Variants in ZNF827 observed in about 807,000 individuals in gnomAD.
ZNF827 encodes zinc finger protein 827.
A neutral mutation model predicts 102.4 loss-of-function variants in ZNF827; 13 were observed. The ratio of observed to expected loss-of-function variants is 0.13; its 90% confidence interval spans 0.08 to 0.20. The LOEUF (loss-of-function observed/expected upper bound fraction) is 0.20, where lower values mean the gene tolerates loss of function less well. Ranked by LOEUF, ZNF827 falls within the 10% of genes least tolerant of loss-of-function variation. ZNF827 has a pLI of 1.00. For missense variants in ZNF827, 1,103 were observed against 1,344.4 expected, an observed-to-expected ratio of 0.82 and a Z score of 2.81; for synonymous variants, 523 against 536.2, an observed-to-expected ratio of 0.98 and a Z score of 0.34.
chr4:145,763,163 T>G lies in ZNF827; in HGVS notation c.3231-41A>C, dbSNP rs1298540504. 6.5e-7 allele frequency: 1 copy of G among 1,533,466 alleles called. No homozygotes were observed. Among genetic ancestry groups the G allele is most frequent in the Non-Finnish European group, 8.7e-7 (1 of 1,144,810 alleles). The allele number at this position is 1,533,466 out of a possible 1,614,324, so 95.0% of individuals were successfully genotyped here. On this transcript the variant is annotated intron_variant, in intron 13 of 14. Coordinates refer to ENST00000508784, the MANE Select transcript of ZNF827 (RefSeq NM_001306215.2). The surrounding 1 kb of genome is among the most constrained non-coding windows in gnomAD (Gnocchi z 4.6). Reference sequence around the variant, plus strand: ...AATAATAGTATAATCTTATTTGATCTGCATTATGAACAGGATATAGAGTAC... The same window carrying G: ...AATAATAGTATAATCTTATTTGATCGGCATTATGAACAGGATATAGAGTAC...
At chr4:145,775,716 C>T in intron 10 of ZNF827, 73 bp downstream of exon 10, 1 of 1,566,852 alleles carries the variant, frequency 6.4e-7, no homozygotes, top group Non-Finnish European at 8.7e-7. Flanking sequence ...TGTATGCCCA[C>T]AGCAGACAGG....
intron 1 of ZNF827, among the ~76,000 whole-genome samples, chr4:145,931,456 TG>T (rs1753800995): frequency 6.6e-6 from 1 of 152,258 alleles, no homozygotes; most frequent in Non-Finnish European, 1.5e-5. Context: ...TAACTAGGCC[TG>T]GCCTGGATTT....
At chr4:145,870,068 C>G (rs1267575750) in intron 5 of ZNF827, among the ~76,000 whole-genome samples, 177 bp downstream of exon 5, 1 of 152,192 alleles carries the variant, frequency 6.6e-6, no homozygotes, top group African/African-American at 2.4e-5. Context: ...CTAATATACA[C>G]AAACAAACTC....
At chr4:145,768,916 T>TATATATAAAAAA (rs34051922) in intron 11 of ZNF827, among the ~76,000 whole-genome samples, 1 of 34,414 alleles carries the variant, frequency 2.9e-5, no homozygotes, top group Non-Finnish European at 5.2e-5. Flanking sequence ...TATATATATA[T>TATATATAAAAAA]TAGGTATACA....
At chr4:145,883,445 A>G (rs1386787980) in intron 4 of ZNF827, among the ~76,000 whole-genome samples, 2 of 152,138 alleles carry the variant, frequency 1.3e-5, no homozygotes, top group Non-Finnish European at 2.9e-5. Flanking sequence ...TTGATGCGCA[A>G]TTCTTCCCCC....
chr4:145,874,905 A>T (rs1175025379), intron 4 of ZNF827, among the ~76,000 whole-genome samples: 1 of 152,164 alleles, frequency 6.6e-6, no homozygotes, highest in African/African-American at 2.4e-5. Context: ...CATACCTCTC[A>T]GTTTATGTAC....
chr4:145,846,489 C>CA lies in ZNF827; in HGVS notation c.2222-477dup, dbSNP rs1344674167. Among the ~76,000 whole-genome samples the CA allele has an allele frequency of 3.9e-3, 552 of 140,504 alleles. 4 individuals are homozygous for CA. Among genetic ancestry groups the CA allele is most frequent in the African/African-American group, 0.013 (480 of 36,734 alleles). The allele number at this position is 140,504 out of a possible 152,430, so 92.2% of individuals were successfully genotyped here. A position where few individuals can be genotyped will look rare whatever the true frequency, so the allele number is the denominator to read the frequency against. The stretch of plus-strand genomic sequence containing the variant: ...CAAGACTCTGTCTCAAACAAACAAA[C>CA]AAACAAAAAAACACAACAACAACAA... On this transcript the variant is annotated intron_variant, in intron 6 of 14. Transcript: ENST00000508784.
intron 5 of ZNF827, among the ~76,000 whole-genome samples, chr4:145,860,869 G>C (rs549247141): frequency 1.4e-3 from 207 of 152,284 alleles, no homozygotes; most frequent in Non-Finnish European, 1.6e-3. Flanking sequence ...AGCCATAAGA[G>C]AAAAACAATT....
intron 7 of ZNF827, among the ~76,000 whole-genome samples, chr4:145,838,713 T>C (rs981244309): frequency 6.6e-6 from 1 of 152,138 alleles, no homozygotes; most frequent in Non-Finnish European, 1.5e-5. Context: ...AAACTGTATA[T>C]GTAGTAGGAC....
At chr4:145,796,570 G>C (rs1018055899) in intron 8 of ZNF827, among the ~76,000 whole-genome samples, 9 of 151,190 alleles carry the variant, frequency 6.0e-5, no homozygotes, top group African/African-American at 1.9e-4. Context: ...GAGAGCTAAT[G>C]ATGAGTCAAG....
intron 5 of ZNF827, among the ~76,000 whole-genome samples, chr4:145,850,793 T>C (rs1428574786): frequency 2.0e-5 from 3 of 152,184 alleles, no homozygotes; most frequent in Non-Finnish European, 4.4e-5. Context: ...AGATAGATGA[T>C]AGACAGACAG....
intron 1 of ZNF827, among the ~76,000 whole-genome samples, chr4:145,935,528 A>C (rs984658212): frequency 6.6e-6 from 1 of 152,230 alleles, no homozygotes; most frequent in Non-Finnish European, 1.5e-5. Context: ...AATCCATTCA[A>C]TGCAAAGGTA....
At chr4:145,839,566 G>A (rs556319468) in intron 7 of ZNF827, 1 of 152,374 alleles carries the variant, frequency 6.6e-6, no homozygotes, top group African/African-American at 2.4e-5. Context: ...ACTGCATCAT[G>A]CAAGAGGGCT....
chr4:145,760,855 G>A lies in ZNF827; in HGVS notation c.*761C>T, dbSNP rs1445029398. 9.9e-6 allele frequency: 12 copies of A among 1,212,412 alleles called. No individual in the cohort carries two copies. The highest frequency in any genetic ancestry group is 9.5e-5 in the African/African-American group (6 of 63,172). The allele number at this position is 1,212,412 out of a possible 1,614,324, so 75.1% of individuals were successfully genotyped here. A position where few individuals can be genotyped will look rare whatever the true frequency, so the allele number is the denominator to read the frequency against. On this transcript the variant is annotated 3_prime_UTR_variant, in exon 15 of 15. Transcript: ENST00000508784. ...TTTGGGTGAGGGGATGCTGGGAGGC[G>A]CAGTCTGAGGTCGGGGAGGGTGGAA... is the stretch of plus-strand genomic sequence containing the variant.
intron 1 of ZNF827, among the ~76,000 whole-genome samples, chr4:145,903,458 A>T (rs1751590299): frequency 6.6e-6 from 1 of 152,258 alleles, no homozygotes; most frequent in Non-Finnish European, 1.5e-5. Flanking sequence ...AGGGAAAAGA[A>T]GGAAAAAGAA....
chr4:145,805,810 G>A (rs890237533), intron 8 of ZNF827, among the ~76,000 whole-genome samples: 12 of 151,996 alleles, frequency 7.9e-5, no homozygotes, highest in African/African-American at 2.9e-4. Flanking sequence ...TCACCCTGAC[G>A]TCAGGGCCTT....
chr4:145,834,483 A>G (rs925980109), intron 7 of ZNF827, among the ~76,000 whole-genome samples: 3 of 151,920 alleles, frequency 2.0e-5, no homozygotes, highest in African/African-American at 7.3e-5. Context: ...CACCCTATAT[A>G]ATCTTTTTAT....
intron 5 of ZNF827, among the ~76,000 whole-genome samples, chr4:145,849,817 G>A (rs966437069): frequency 6.6e-6 from 1 of 152,192 alleles, no homozygotes; most frequent in East Asian, 1.9e-4. Flanking sequence ...GCAGGGCCAG[G>A]CCTTGGCCTG....
chr4:145,926,540 A>G (rs1753438730), intron 1 of ZNF827, among the ~76,000 whole-genome samples: 1 of 152,194 alleles, frequency 6.6e-6, no homozygotes, highest in Non-Finnish European at 1.5e-5. Flanking sequence ...CTTTTAGCCA[A>G]CTATGCTGAA....
Sources: gnomAD v4.1 joint callset for allele counts (sites outside exome capture counted in the v4.1 genomes callset) on GRCh38, gnomAD v4.1.1 for gene constraint, Gnocchi (gnomAD v3.1) non-coding constraint, MANE v1.5 for transcripts, NCBI Gene and HGNC (gene_info 2026-07-23, HGNC 2026-07-21) for gene names.